NELL1: variants seen among roughly 807,000 people sequenced by gnomAD.
NELL1 encodes neural EGFL like 1, also known as protein kinase C-binding protein NELL1.
A neutral mutation model predicts 107.4 loss-of-function variants in NELL1; 76 were observed. The ratio of observed to expected loss-of-function variants is 0.71; its 90% CI spans 0.59 to 0.86. The LOEUF (loss-of-function observed/expected upper bound fraction) is 0.86. Among genes scored for constraint, NELL1 ranks in the 40% least tolerant of loss-of-function variants. The pLI is 0.00. For synonymous variants in NELL1, 353 were observed against 341.2 expected (o/e 1.03, Z -0.38); for missense variants, 1,024 against 1,005.5 (o/e 1.02, Z -0.25).
At chr11:21,268,970 A>G (rs999044632) in intron 14 of NELL1, among the ~76,000 whole-genome samples, 1 of 152,296 alleles carries the variant, frequency 6.6e-6, no homozygotes, top group East Asian at 1.9e-4. Context: ...AAAGGATTGA[A>G]AAGAAATGCT....
At chr11:21,519,537 TG>T (rs1855663813) in intron 15 of NELL1, among the ~76,000 whole-genome samples, 4 of 62,856 alleles carry the variant, frequency 6.4e-5, no homozygotes, top group East Asian at 4.6e-4. Context: ...TGTTTTGTTT[TG>T]TTTTTTGTTT....
At chr11:20,923,210 G>A (rs1004135987) in intron 7 of NELL1, among the ~76,000 whole-genome samples, 1 of 152,096 alleles carries the variant, frequency 6.6e-6, no homozygotes, top group Non-Finnish European at 1.5e-5. Flanking sequence ...GTCAAAGTCA[G>A]AACCAAACAG....
intron 7 of NELL1, among the ~76,000 whole-genome samples, chr11:20,924,750 G>A (rs548728845): frequency 6.6e-6 from 1 of 152,152 alleles, no homozygotes; most frequent in Non-Finnish European, 1.5e-5. Context: ...TGCAGATCTG[G>A]TTCAACTCTG....
In NELL1 at chr11:21,528,398, G is replaced by A. The variant is rs145872078; in HGVS notation, c.1646-5976G>A. Reference sequence around the variant, plus strand: ...CTCATGCACAGAGTGATGCCCTCCCGTGAGGGTGAATGAGTTCTCTCTGGC... The same window carrying A: ...CTCATGCACAGAGTGATGCCCTCCCATGAGGGTGAATGAGTTCTCTCTGGC... On this transcript the variant is annotated intron_variant, in intron 15 of 19. Transcript: ENST00000357134. 1.6e-3 allele frequency among the ~76,000 whole-genome samples: 241 copies of A among 151,998 alleles called. 1 individual carries two copies. Among genetic ancestry groups the A allele is most frequent in the African/African-American group, 5.6e-3 (231 of 41,458 alleles).
chr11:20,946,406 A>G lies in NELL1; in HGVS notation c.1072-930A>G, dbSNP rs1222671461. 5.3e-5 allele frequency among the ~76,000 whole-genome samples: 8 copies of G among 152,326 alleles called. No homozygotes were observed. The East Asian group carries it at 1.2e-3, about 22-fold the overall frequency. ...TTTTTAAAAAAATAGTAATTAATGG[A>G]ATAATTTTTACAAATTGGCATCATA... On this transcript the variant is annotated intron_variant, in intron 10 of 19. Transcript: ENST00000357134.
At chr11:21,500,257 T>C (rs1034839468) in intron 15 of NELL1, among the ~76,000 whole-genome samples, 2 of 152,076 alleles carry the variant, frequency 1.3e-5, no homozygotes, top group Non-Finnish European at 2.9e-5. Flanking sequence ...CTTTCAACAC[T>C]TCATAGAATT....
At chr11:21,171,402 A>T (rs553712124) in intron 13 of NELL1, among the ~76,000 whole-genome samples, 39 of 152,000 alleles carry the variant, frequency 2.6e-4, no homozygotes, top group Non-Finnish European at 4.9e-4. Context: ...ATATACTTTT[A>T]TCCTTGTCTA....
intron 13 of NELL1, among the ~76,000 whole-genome samples, 175 bp from the exon 14 acceptor site, chr11:21,229,157 A>G (rs748161890): frequency 6.6e-6 from 1 of 152,196 alleles, no homozygotes; most frequent in Non-Finnish European, 1.5e-5. Flanking sequence ...AGTAGGGATA[A>G]TAACATCTTT....
chr11:21,156,800 A>G (rs1856247141), intron 13 of NELL1, among the ~76,000 whole-genome samples: 1 of 152,090 alleles, frequency 6.6e-6, no homozygotes, highest in African/African-American at 2.4e-5. Context: ...CTATTAATAT[A>G]TACCAAATTA....
intron 12 of NELL1, among the ~76,000 whole-genome samples, chr11:21,035,871 G>T (rs1294508820): frequency 6.6e-6 from 1 of 152,138 alleles, no homozygotes; most frequent in Non-Finnish European, 1.5e-5. Context: ...CATAGTATTG[G>T]AAGTCTTGGC....
intron 14 of NELL1, among the ~76,000 whole-genome samples, chr11:21,316,594 A>G (rs1322000093): frequency 2.0e-5 from 3 of 152,162 alleles, no homozygotes; most frequent in African/African-American, 7.2e-5. Context: ...CCCCACCTCC[A>G]ATCATACTTC....
intron 2 of NELL1, among the ~76,000 whole-genome samples, chr11:20,708,191 G>C (rs996176078): frequency 6.6e-6 from 1 of 152,216 alleles, no homozygotes; most frequent in Non-Finnish European, 1.5e-5. Context: ...TAAGACTGTT[G>C]GAAAGCACAG....
At chr11:20,724,724 T>G (rs1564880931) in intron 2 of NELL1, among the ~76,000 whole-genome samples, 1 of 152,216 alleles carries the variant, frequency 6.6e-6, no homozygotes, top group Non-Finnish European at 1.5e-5. Flanking sequence ...CCCTCTAAAC[T>G]GTTCTAACAT....
chr11:20,796,592 C>G (rs1381060920), intron 3 of NELL1, among the ~76,000 whole-genome samples: 1 of 152,216 alleles, frequency 6.6e-6, no homozygotes, highest in African/African-American at 2.4e-5. Flanking sequence ...AGTCTCCACA[C>G]TTCAAACAAA....
At chr11:21,360,411 A>T (rs1851049191) in intron 14 of NELL1, among the ~76,000 whole-genome samples, 1 of 152,174 alleles carries the variant, frequency 6.6e-6, no homozygotes, top group South Asian at 2.1e-4. Flanking sequence ...GGCCTATCAT[A>T]TGGTCTATTT....
chr11:20,689,513 T>C (rs1414080622), intron 2 of NELL1, among the ~76,000 whole-genome samples: 5 of 142,946 alleles, frequency 3.5e-5, no homozygotes, highest in South Asian at 4.6e-4. Flanking sequence ...TCAATTCCCA[T>C]CTATGAGTGA....
intron 14 of NELL1, among the ~76,000 whole-genome samples, chr11:21,285,974 T>C (rs1049878371): frequency 6.6e-6 from 1 of 152,218 alleles, no homozygotes; most frequent in Admixed American, 6.5e-5. Context: ...ACAGTAGTTT[T>C]ATCAGTAGGA....
chr11:20,833,102 T>G (rs1221075084), intron 3 of NELL1, among the ~76,000 whole-genome samples: 1 of 152,214 alleles, frequency 6.6e-6, no homozygotes, highest in Non-Finnish European at 1.5e-5. Context: ...GGGCCTGGCT[T>G]AGGCATCATT....
intron 12 of NELL1, among the ~76,000 whole-genome samples, chr11:21,014,553 T>A (rs1037785598): frequency 3.3e-5 from 5 of 152,122 alleles, no homozygotes; most frequent in African/African-American, 1.2e-4. Flanking sequence ...GATAAACCCA[T>A]AACTCAATGC....
Sources: allele counts gnomAD v4.1 joint callset (sites outside exome capture counted in the v4.1 genomes callset), GRCh38; gene constraint gnomAD v4.1.1; transcripts MANE v1.5; gene names NCBI Gene and HGNC (gene_info 2026-07-23, HGNC 2026-07-21).